The following TMEM184A variants were observed in gnomAD, a reference collection of about 807,000 sequenced individuals.
The protein encoded by TMEM184A is sexually dimorphic, expressed in male gonads 1.
Under a neutral mutation model 39.5 loss-of-function variants are expected in TMEM184A, and 40 were observed. The ratio of observed to expected loss-of-function variants is 1.01; its 90% CI spans 0.79 to 1.32. The LOEUF is 1.32. Among genes scored for constraint, TMEM184A ranks in the 40% most tolerant of loss-of-function variants. The pLI is 0.00. For synonymous variants in TMEM184A, 280 were observed against 252.3 expected, an observed-to-expected ratio of 1.11 and a Z score of -1.04; for missense variants, 603 against 568.8, an observed-to-expected ratio of 1.06 and a Z score of -0.61.
rs1316413964 is a variant in TMEM184A, at chr7:1,543,150, A to G, written c.*3802T>C. ...CTGCCTGTCCCTCACCGGGGTCAGGATCCGGGCACTACGTGTAAGTGGCTT... is the reference window on the plus strand; with the variant it reads ...CTGCCTGTCCCTCACCGGGGTCAGGGTCCGGGCACTACGTGTAAGTGGCTT... On this transcript the variant is annotated 3_prime_UTR_variant, in exon 9 of 9. Coordinates refer to ENST00000297477, the MANE Select transcript of TMEM184A (RefSeq NM_001097620.2). 1 of 150,202 alleles carries G rather than the reference A, an allele frequency of 6.7e-6. No individual in the cohort carries two copies. The highest frequency in any genetic ancestry group is 1.5e-5 in the Non-Finnish European group (1 of 67,534). The allele number at this position is 150,202 out of a possible 1,614,324, so 9.3% of individuals were successfully genotyped here. A position where few individuals can be genotyped will look rare whatever the true frequency, so the allele number is the denominator to read the frequency against.
rs1169603376 is a variant in TMEM184A, at chr7:1,555,646, C to T, written c.1-162G>A. On this transcript the variant is annotated intron_variant, in intron 1 of 8. Transcript: ENST00000297477. This position sits in a 1 kb window ranked among gnomAD's most constrained non-coding sequence, Gnocchi z 5.2. ...ACACGGACACCAGCGCCAGGCCCGG[C>T]TCCCTCCCTGCTCCGAGCTCAGCCA... 6 of 676,330 alleles carry T rather than the reference C, an allele frequency of 8.9e-6. No homozygotes were observed. The East Asian group carries it at 1.4e-4, about 15-fold the overall frequency. The allele number at this position is 676,330 out of a possible 1,614,324, so 41.9% of individuals were successfully genotyped here. A position where few individuals can be genotyped will look rare whatever the true frequency, so the allele number is the denominator to read the frequency against.
rs546132631 is a variant in TMEM184A at position 1,548,430 on chromosome 7, G to T, written c.814+89C>A. Reference sequence around the variant, plus strand: ...AGCTGGAGAAACTGAAGCACGTGGGGGCTGGGGAAAGGGGTGTGAGGTGAC... The same window carrying T: ...AGCTGGAGAAACTGAAGCACGTGGGTGCTGGGGAAAGGGGTGTGAGGTGAC... On this transcript the variant is annotated intron_variant, in intron 7 of 8. Coordinates refer to ENST00000297477, the MANE Select transcript of TMEM184A (RefSeq NM_001097620.2). 2.8e-6 allele frequency: 4 copies of T among 1,434,854 alleles called. No individual in the cohort carries two copies. In the African/African-American group the frequency reaches 4.2e-5, roughly 15 times the overall value. The allele number at this position is 1,434,854 out of a possible 1,614,324, so 88.9% of individuals were successfully genotyped here.
At position 1,555,038 on chromosome 7, in the gene TMEM184A, GGGGTGCC is replaced by G. The variant is rs751652836; in HGVS notation, c.219+221_219+227del. Among the ~76,000 whole-genome samples the G allele has an allele frequency of 1.2e-3, 176 of 152,284 alleles. No homozygotes were observed. The highest frequency in any genetic ancestry group is 2.2e-3 in the Non-Finnish European group (153 of 68,010). The stretch of plus-strand genomic sequence containing the variant: ...GAGTGACGAGCCTGTGAAATAGCCA[GGGGTGCC>G]CGGTGGGCGCTCTGCCCTCAGCCTG... On this transcript the variant is annotated intron_variant, in intron 2 of 8. Transcript: ENST00000297477. This position sits in a 1 kb window ranked among gnomAD's most constrained non-coding sequence, Gnocchi z 5.2.
At chr7:1,548,371 G>T in intron 7 of TMEM184A, 148 bp downstream of exon 7, 1 of 963,322 alleles carries the variant, frequency 1.0e-6, no homozygotes, top group Non-Finnish European at 1.5e-6. Flanking sequence ...CATGCCCGCA[G>T]GTTCTACCCT....
chr7:1,548,243 C>T (rs1283883566), intron 7 of TMEM184A, among the ~76,000 whole-genome samples: 1 of 147,284 alleles, frequency 6.8e-6, no homozygotes, highest in African/African-American at 2.6e-5. Context: ...TGGCCTGGCC[C>T]AGGGCCCAGT....
At chr7:1,551,949 AT>A (rs1177482188) in intron 2 of TMEM184A, among the ~76,000 whole-genome samples, 9 of 151,330 alleles carry the variant, frequency 5.9e-5, no homozygotes, top group Admixed American at 3.3e-4. Context: ...AAAAAAAAAA[AT>A]ATTTTTTTGA....
At position 1,547,801 on chromosome 7, in the gene TMEM184A, A is replaced by T; in HGVS notation, c.953T>A (p.Val318Glu). 1 of 1,612,948 alleles carries T rather than the reference A, an allele frequency of 6.2e-7. No individual in the cohort carries two copies. Among genetic ancestry groups the T allele is most frequent in the Non-Finnish European group, 8.5e-7 (1 of 1,179,872 alleles). The change falls in exon 8 of 9, where the codon GTG (valine) becomes GAG (glutamate). Residue 318 changes from valine (V) to glutamate (E), a missense_variant. By Grantham distance (121) the Val-to-Glu change is moderately radical. Coordinates refer to ENST00000297477, the MANE Select transcript of TMEM184A (RefSeq NM_001097620.2). ...IICVEMLFAS[V>E]ALRYAFPCQV... ...GCAGGGGAAGGCATAACGCAGGGCCACGGAGGCGAACAGCATCTCCACGCA... is the reference window on the plus strand; with the variant it reads ...GCAGGGGAAGGCATAACGCAGGGCCTCGGAGGCGAACAGCATCTCCACGCA...
rs1392873049 is a variant in TMEM184A, at chr7:1,550,300, C to T, written c.476+5G>A. The T allele has an allele frequency of 1.1e-5, 17 of 1,612,626 alleles. No individual in the cohort carries two copies. The highest frequency in any genetic ancestry group is 1.4e-5 in the Non-Finnish European group (17 of 1,179,620). ...GGTGTGGGGGCTCTGGGGTGACGGG[C>T]TTACTTGATGGGCTTTCCACGAATC... On this transcript the variant is annotated splice_donor_5th_base_variant and intron_variant, in intron 4 of 8. Coordinates refer to ENST00000297477, the MANE Select transcript of TMEM184A (RefSeq NM_001097620.2).
chr7:1,548,457 C>G, intron 7 of TMEM184A, 62 bp downstream of exon 7: 1 of 1,553,952 alleles, frequency 6.4e-7, no homozygotes, highest in Non-Finnish European at 8.7e-7. Context: ...TGAGGTGACC[C>G]CAGGCTCACT....
intron 8 of TMEM184A, 102 bp from the exon 9 acceptor site, chr7:1,547,283 A>T: frequency 2.8e-6 from 2 of 704,348 alleles, no homozygotes; most frequent in South Asian, 3.7e-5. Context: ...CTGCATGTCC[A>T]GGTCTGGCCT....
In TMEM184A at chr7:1,549,919, C is replaced by T. The variant is rs568152235; in HGVS notation, c.579G>A (p.Lys193=). Residue 193 remains lysine (K), a synonymous_variant, in exon 6 of 9, where the codon AAG becomes AAA. Transcript: ENST00000297477. ...TGATGGTGGTGACGGCCATGACGGG[C>T]TTCACCAGGCAGAACTGCAGAGTGG... is the stretch of plus-strand genomic sequence containing the variant. The part of the protein sequence containing the change: ...KQATLQFCLV[K]PVMAVTTIIL... The T allele has an allele frequency of 6.2e-7, 1 of 1,612,724 alleles. No homozygotes were observed. The highest frequency in any genetic ancestry group is 8.5e-7 in the Non-Finnish European group (1 of 1,179,576).
rs951233982 is a variant in TMEM184A, at chr7:1,546,878, G to A, written c.*74C>T. ...GGCCCCACCTTTGGCAGGAGTTGGT[G>A]GGTGGGGGGACCCTGTTCTTCCCCA... On this transcript the variant is annotated 3_prime_UTR_variant, in exon 9 of 9. Coordinates refer to ENST00000297477, the MANE Select transcript of TMEM184A (RefSeq NM_001097620.2). The A allele has an allele frequency of 4.5e-5, 47 of 1,046,534 alleles. No individual in the cohort carries two copies. Among genetic ancestry groups the A allele is most frequent in the Non-Finnish European group, 5.9e-5 (44 of 747,482 alleles). 64.8% of individuals were successfully genotyped at this position (1,046,534 alleles called of 1,614,324 possible). A position where few individuals can be genotyped will look rare whatever the true frequency, so the allele number is the denominator to read the frequency against.
rs747152549 is a variant in TMEM184A at position 1,547,174 on chromosome 7, CG to C, written c.1019del (p.Pro340ArgfsTer15). Reference sequence around the variant, plus strand: ...CGCTGGAGATGCTCTGCATGGGTGCCGGGGGGGCTGGGGGAGGGCAGTGTAT... The same window carrying C: ...CGCTGGAGATGCTCTGCATGGGTGCCGGGGGGCTGGGGGAGGGCAGTGTAT... ...AEKKENSPAP[P>X]APMQSISSGI... is the part of the protein sequence containing the mutation. On this transcript the variant is annotated frameshift_variant, in exon 9 of 9. Transcript: ENST00000297477. LOFTEE classifies it low-confidence loss of function (END_TRUNC). The C allele has an allele frequency of 2.4e-5, 38 of 1,590,342 alleles. No individual in the cohort carries two copies. Among genetic ancestry groups the C allele is most frequent in the Middle Eastern group, 1.9e-4 (1 of 5,366 alleles).
chr7:1,554,063 G>A (rs570546089), intron 2 of TMEM184A, among the ~76,000 whole-genome samples: 2 of 152,194 alleles, frequency 1.3e-5, no homozygotes, highest in East Asian at 1.9e-4. Context: ...GGCCTGCCTC[G>A]GCACTGCCTC....
chr7:1,551,986 A>G (rs976579463), intron 2 of TMEM184A, among the ~76,000 whole-genome samples: 6 of 146,542 alleles, frequency 4.1e-5, no homozygotes, highest in African/African-American at 1.2e-4. Flanking sequence ...TCTCTTGCCC[A>G]GGTTTTTTTT....
rs992816749 is a variant in TMEM184A at position 1,550,405 on chromosome 7, G to C, written c.386-10C>G. 2 of 1,607,022 alleles carry C rather than the reference G, an allele frequency of 1.2e-6. No individual in the cohort carries two copies. Among genetic ancestry groups the C allele is most frequent in the South Asian group, 1.1e-5 (1 of 90,490 alleles). On this transcript the variant is annotated splice_polypyrimidine_tract_variant and intron_variant, in intron 3 of 8. Coordinates refer to ENST00000297477, the MANE Select transcript of TMEM184A (RefSeq NM_001097620.2). Reference sequence around the variant, plus strand: ...CTGTAAATGACAAAGGCTGCAGGGAGCACAGAGGGGGACCGGCTGTGAGCC... The same window carrying C: ...CTGTAAATGACAAAGGCTGCAGGGACCACAGAGGGGGACCGGCTGTGAGCC...
At chr7:1,553,223 A>G (rs898044755) in intron 2 of TMEM184A, among the ~76,000 whole-genome samples, 1 of 151,588 alleles carries the variant, frequency 6.6e-6, no homozygotes, top group East Asian at 1.9e-4. Flanking sequence ...CGCAATCTCA[A>G]CTCACTGCAA....
In TMEM184A at chr7:1,545,202, G is replaced by T. The variant is rs928052302; in HGVS notation, c.*1750C>A. On this transcript the variant is annotated 3_prime_UTR_variant, in exon 9 of 9. Coordinates refer to ENST00000297477, the MANE Select transcript of TMEM184A (RefSeq NM_001097620.2). Reference sequence around the variant, plus strand: ...GCTGACAGAGTGAGACACGGGGGCCGCCTGGTGGGTCTATTCCTGTGGGGA... The same window carrying T: ...GCTGACAGAGTGAGACACGGGGGCCTCCTGGTGGGTCTATTCCTGTGGGGA... 1 of 152,270 alleles carries T rather than the reference G, an allele frequency of 6.6e-6. No homozygotes were observed. Among genetic ancestry groups the T allele is most frequent in the East Asian group, 1.9e-4 (1 of 5,168 alleles). 9.4% of individuals were successfully genotyped at this position (152,270 alleles called of 1,614,324 possible). A position where few individuals can be genotyped will look rare whatever the true frequency, so the allele number is the denominator to read the frequency against.
chr7:1,555,204 G>T lies in TMEM184A; in HGVS notation c.219+62C>A. 1 of 1,398,102 alleles carries T rather than the reference G, an allele frequency of 7.2e-7. No individual in the cohort carries two copies. Among genetic ancestry groups the T allele is most frequent in the Non-Finnish European group, 9.7e-7 (1 of 1,035,310 alleles). The allele number at this position is 1,398,102 out of a possible 1,614,324, so 86.6% of individuals were successfully genotyped here. On this transcript the variant is annotated intron_variant, in intron 2 of 8. Coordinates refer to ENST00000297477, the MANE Select transcript of TMEM184A (RefSeq NM_001097620.2). The surrounding 1 kb of genome is among the most constrained non-coding windows in gnomAD (Gnocchi z 5.2). ...GCGGCACCCAGGGGGACCGGGCTGA[G>T]CCACGGCCACGTCCTGTGGAGACCA...
Sources: gnomAD v4.1 joint callset for allele counts (sites outside exome capture counted in the v4.1 genomes callset) on GRCh38, gnomAD v4.1.1 for gene constraint, Gnocchi (gnomAD v3.1) non-coding constraint, MANE v1.5 for transcripts, NCBI Gene and HGNC (gene_info 2026-07-23, HGNC 2026-07-21) for gene names.